Variants in ATXN2 observed in about 807,000 individuals in gnomAD.
ATXN2 encodes the protein ataxin-2.
Under a neutral mutation model 138.6 loss-of-function variants are expected in ATXN2, and 37 were observed. The ratio of observed to expected loss-of-function variants is 0.27; its 90% CI spans 0.21 to 0.35. ATXN2 has a LOEUF of 0.35. Ranked by LOEUF, ATXN2 falls within the 10% of genes least tolerant of loss-of-function variation. The pLI, the probability that ATXN2 is intolerant of heterozygous loss-of-function variation, is 1.00. For missense variants in ATXN2, 1,216 were observed against 1,480.3 expected (o/e 0.82, Z 2.93); for synonymous variants, 549 against 543.7 (o/e 1.01, Z -0.13).
At chr12:111,487,487 G>C (rs886432740) in intron 15 of ATXN2, among the ~76,000 whole-genome samples, 2 of 151,904 alleles carry the variant, frequency 1.3e-5, no homozygotes, top group African/African-American at 4.8e-5. Context: ...TTGAGACAGA[G>C]TCTCGCTCTG....
At chr12:111,475,941 T>C (rs1442396731) in intron 18 of ATXN2, among the ~76,000 whole-genome samples, 2 of 152,110 alleles carry the variant, frequency 1.3e-5, no homozygotes, top group Non-Finnish European at 2.9e-5. Context: ...TATCTATCCA[T>C]CTATGCGCAC....
Position 111,488,482 on chromosome 12 carries a change from GCGTCTTTCTTCTCTTCCTTAT to G in ATXN2, c.2213_2233del (p.Asp738_Asp744del). 1 of 1,607,260 alleles carries G rather than the reference GCGTCTTTCTTCTCTTCCTTAT, an allele frequency of 6.2e-7. No individual in the cohort carries two copies. The highest frequency in any genetic ancestry group is 8.5e-7 in the Non-Finnish European group (1 of 1,176,058). ...AAGTTCCAGGTTTACTCACTCAGCT[GCGTCTTTCTTCTCTTCCTTAT>G]CGTCTTTCTCTTGTTTACATGCTGG... On this transcript the variant is annotated inframe_deletion, in exon 15 of 25. Transcript: ENST00000673436.
rs543921654 is a variant in ATXN2, at chr12:111,480,943, AAAAC to A, written c.2524+4318_2524+4321del. Among the ~76,000 whole-genome samples the A allele has an allele frequency of 1.5e-3, 222 of 152,342 alleles. 1 individual carries two copies. Among genetic ancestry groups the A allele is most frequent in the African/African-American group, 4.9e-3 (205 of 41,576 alleles). ...ATCAGGAGCAACAGCAACAAAAGAA[AAAAC>A]AAACAGATAAATTGAACTTCATCAA... On this transcript the variant is annotated intron_variant, in intron 18 of 24. Coordinates refer to ENST00000673436, the MANE Select transcript of ATXN2 (RefSeq NM_001372574.1).
In ATXN2 at chr12:111,598,643, C is replaced by A; in HGVS notation, c.251+141G>T. On this transcript the variant is annotated intron_variant, in intron 1 of 24. Coordinates refer to ENST00000673436, the MANE Select transcript of ATXN2 (RefSeq NM_001372574.1). The surrounding 1 kb of genome is among the most constrained non-coding windows in gnomAD (Gnocchi z 4.5). The stretch of plus-strand genomic sequence containing the variant: ...CACCGGCCGAGCCTCGGGGCTCAGG[C>A]CCGAGCGAGTCTCCCCCGCGCTGCC... 5 of 919,500 alleles carry A rather than the reference C, an allele frequency of 5.4e-6. No individual in the cohort carries two copies. Among genetic ancestry groups the A allele is most frequent in the Non-Finnish European group, 6.5e-6 (5 of 766,878 alleles). 57.0% of individuals were successfully genotyped at this position (919,500 alleles called of 1,614,324 possible). A position where few individuals can be genotyped will look rare whatever the true frequency, so the allele number is the denominator to read the frequency against.
Position 111,488,533 on chromosome 12 carries a change from G to T in ATXN2, c.2183C>A (p.Ser728Tyr). 2 of 1,614,122 alleles carry T rather than the reference G, an allele frequency of 1.2e-6. No homozygotes were observed. Among genetic ancestry groups the T allele is most frequent in the East Asian group, 4.5e-5 (2 of 44,876 alleles). ...PEVTSQGVQT[S>Y]SPACKQEKDD... ...TTTCTCTTGTTTACATGCTGGGCTG[G>T]AAGTCTGAACCCCTTGGGAAGTGAC... The change falls in exon 15 of 25, where the codon TCC (serine) becomes TAC (tyrosine). Residue 728 changes from serine (S) to tyrosine (Y), a missense_variant. Physicochemically the swap from Ser to Tyr is moderately radical, Grantham distance 144 (BLOSUM62 -2). Transcript: ENST00000673436.
intron 7 of ATXN2, 35 bp from the exon 8 acceptor site, chr12:111,520,111 C>G: frequency 6.2e-7 from 1 of 1,600,100 alleles, no homozygotes. Flanking sequence ...AAAATGAGTC[C>G]TTTAAAGCCA....
intron 15 of ATXN2, among the ~76,000 whole-genome samples, chr12:111,487,904 G>T (rs773273345): frequency 1.1e-4 from 16 of 152,200 alleles, no homozygotes; most frequent in South Asian, 4.1e-4. Flanking sequence ...CAAAACTTCA[G>T]CTTTAACTGG....
Position 111,500,514 on chromosome 12 carries a change from T to C in ATXN2, c.1935+9035A>G, listed in dbSNP as rs563117557. Among the ~76,000 whole-genome samples, 6 of 152,194 alleles carry C rather than the reference T, an allele frequency of 3.9e-5. No homozygotes were observed. The South Asian group carries it at 1.0e-3, about 26-fold the overall frequency. Reference sequence around the variant, plus strand: ...GTGATTAGTGGGTGCAAAGAAAATTTAGAAAGAACGAATAAGAACTCTGCA... The same window carrying C: ...GTGATTAGTGGGTGCAAAGAAAATTCAGAAAGAACGAATAAGAACTCTGCA... On this transcript the variant is annotated intron_variant, in intron 14 of 24. Transcript: ENST00000673436.
Position 111,575,855 on chromosome 12 carries a change from G to A in ATXN2, c.252-19936C>T, listed in dbSNP as rs150657994. On this transcript the variant is annotated intron_variant, in intron 1 of 24. Coordinates refer to ENST00000673436, the MANE Select transcript of ATXN2 (RefSeq NM_001372574.1). ...TCCCAGCACTTTGGGAGGCCAAGGC[G>A]GGTGGATCATGAGGTCAGGAGTTCC... Among the ~76,000 whole-genome samples the A allele has an allele frequency of 1.6e-4, 24 of 152,004 alleles. 1 individual carries two copies. Among genetic ancestry groups the A allele is most frequent in the Non-Finnish European group, 3.5e-4 (24 of 67,998 alleles).
chr12:111,456,119 G>A lies in ATXN2; in HGVS notation c.3180C>T (p.Phe1060=). 1.2e-6 allele frequency: 2 copies of A among 1,614,240 alleles called. No homozygotes were observed. Among genetic ancestry groups the A allele is most frequent in the Non-Finnish European group, 1.7e-6 (2 of 1,180,050 alleles). The change falls in exon 23 of 25, where the codon TTC becomes TTT. Residue 1060 remains phenylalanine, a synonymous_variant. Coordinates refer to ENST00000673436, the MANE Select transcript of ATXN2 (RefSeq NM_001372574.1). ...ASNTQSPQNS[F]PAAQQTVFTI... The stretch of plus-strand genomic sequence containing the variant: ...TAAAGACAGTCTGTTGTGCTGCTGG[G>A]AAACTATTCTGTGGCGACTGCGTGT...
chr12:111,562,125 TAAA>T (rs79681962), intron 1 of ATXN2, among the ~76,000 whole-genome samples: 1 of 140,816 alleles, frequency 7.1e-6, no homozygotes, highest in Non-Finnish European at 1.6e-5. Flanking sequence ...GACTCCACCT[TAAA>T]AAAAAAAAAA....
intron 18 of ATXN2, among the ~76,000 whole-genome samples, chr12:111,475,472 T>A (rs1876742105): frequency 6.6e-6 from 1 of 150,798 alleles, no homozygotes; most frequent in Admixed American, 6.6e-5. Flanking sequence ...GTAAAAAGAT[T>A]TATCTTTTCT....
At chr12:111,494,029 C>A (rs1419278774) in intron 14 of ATXN2, among the ~76,000 whole-genome samples, 1 of 151,994 alleles carries the variant, frequency 6.6e-6, no homozygotes. Flanking sequence ...CTCCTGGGTT[C>A]AAGTGATTCT....
intron 1 of ATXN2, among the ~76,000 whole-genome samples, chr12:111,573,082 A>T (rs2135816269): frequency 6.6e-6 from 1 of 152,256 alleles, no homozygotes; most frequent in East Asian, 1.9e-4. Flanking sequence ...TTTTTGATTG[A>T]AACTCACTGA....
intron 14 of ATXN2, among the ~76,000 whole-genome samples, chr12:111,507,102 G>C (rs1424488771): frequency 6.6e-6 from 1 of 152,122 alleles, no homozygotes; most frequent in Non-Finnish European, 1.5e-5. Context: ...TGGGAAGTGA[G>C]GAGCGTCTCT....
At chr12:111,500,861 G>C (rs769155199) in intron 14 of ATXN2, among the ~76,000 whole-genome samples, 3 of 152,146 alleles carry the variant, frequency 2.0e-5, no homozygotes, top group Non-Finnish European at 4.4e-5. Context: ...GACAGAGTGA[G>C]ACTCCGTCTA....
Position 111,516,103 on chromosome 12 carries a change from T to TAGG in ATXN2, c.1375+48_1375+50dup. 1 of 1,494,410 alleles carries TAGG rather than the reference T, an allele frequency of 6.7e-7. No homozygotes were observed. Among genetic ancestry groups the TAGG allele is most frequent in the Non-Finnish European group, 9.1e-7 (1 of 1,094,056 alleles). The allele number at this position is 1,494,410 out of a possible 1,614,324, so 92.6% of individuals were successfully genotyped here. ...ACTATTTTGTAATTATAAACTCACA[T>TAGG]AGGAGTTAAACAAAGACAAACAAAA... On this transcript the variant is annotated intron_variant, in intron 10 of 24. Transcript: ENST00000673436. This position sits in a 1 kb window ranked among gnomAD's most constrained non-coding sequence, Gnocchi z 5.0.
intron 14 of ATXN2, among the ~76,000 whole-genome samples, chr12:111,504,806 C>A (rs1249794954): frequency 6.6e-6 from 1 of 151,980 alleles, no homozygotes; most frequent in Non-Finnish European, 1.5e-5. Context: ...CTCCTATGAC[C>A]TTTTTTAATT....
intron 21 of ATXN2, among the ~76,000 whole-genome samples, chr12:111,460,915 C>G (rs1398203655): frequency 6.6e-6 from 1 of 152,062 alleles, no homozygotes; most frequent in African/African-American, 2.4e-5. Context: ...AATACCCAAG[C>G]TGAGTGAATG....
Sources: allele counts gnomAD v4.1 joint callset (sites outside exome capture counted in the v4.1 genomes callset), GRCh38; gene constraint gnomAD v4.1.1; non-coding constraint Gnocchi (gnomAD v3.1); transcripts MANE v1.5; gene names NCBI Gene and HGNC (gene_info 2026-07-23, HGNC 2026-07-21).